Variants in ST6GAL1 observed in about 807,000 individuals in gnomAD.
The protein encoded by ST6GAL1 is ST6 beta-galactoside alpha-2,6-sialyltransferase 1.
In ST6GAL1, 20 loss-of-function variants were observed where a neutral mutation model predicts 38.0. The ratio of observed to expected loss-of-function variants is 0.53; its 90% CI spans 0.37 to 0.77. ST6GAL1 has a LOEUF of 0.77. Ranked by LOEUF, ST6GAL1 falls within the 30% of genes least tolerant of loss-of-function variation. The probability of loss-of-function intolerance (pLI) is 0.00; values close to 1 mark genes in which losing one functional copy is unlikely to be tolerated. For missense variants in ST6GAL1, 432 were observed against 496.4 expected (o/e 0.87, Z 1.23); for synonymous variants, 196 against 188.2 (o/e 1.04, Z -0.34).
intron 2 of ST6GAL1, among the ~76,000 whole-genome samples, chr3:187,011,668 CATTA>C (rs1421212301): frequency 6.6e-6 from 1 of 152,226 alleles, no homozygotes; most frequent in Non-Finnish European, 1.5e-5. Flanking sequence ...GTATCTGCGT[CATTA>C]ATTCTTTACC....
intron 2 of ST6GAL1, among the ~76,000 whole-genome samples, chr3:187,005,874 C>T (rs1315924155): frequency 6.6e-6 from 1 of 152,076 alleles, no homozygotes; most frequent in Non-Finnish European, 1.5e-5. Flanking sequence ...AAGGACCGAC[C>T]AACAGGGTCC....
At chr3:186,993,684 TAGAAA>T (rs1177970956) in intron 2 of ST6GAL1, among the ~76,000 whole-genome samples, 2 of 152,010 alleles carry the variant, frequency 1.3e-5, no homozygotes, top group South Asian at 2.1e-4. Context: ...AGCAGCATGC[TAGAAA>T]AGAAAAGGGT....
chr3:186,995,543 A>T (rs1405182397), intron 2 of ST6GAL1, among the ~76,000 whole-genome samples: 1 of 150,272 alleles, frequency 6.7e-6, no homozygotes, highest in African/African-American at 2.5e-5. Context: ...AAAAATAAAG[A>T]AATTGTTAAA....
intron 5 of ST6GAL1, among the ~76,000 whole-genome samples, chr3:187,063,556 G>T (rs530386839): frequency 6.6e-6 from 1 of 152,336 alleles, no homozygotes; most frequent in Admixed American, 6.5e-5. Context: ...TACATGGATG[G>T]TAGGATCTGG....
intron 2 of ST6GAL1, among the ~76,000 whole-genome samples, chr3:187,004,188 A>G (rs975943731): frequency 1.3e-5 from 2 of 152,080 alleles, no homozygotes; most frequent in Non-Finnish European, 2.9e-5. Context: ...CCATAACTAA[A>G]AGCTCCCTGA....
chr3:186,952,355 A>C lies in ST6GAL1; in HGVS notation c.-324-11430A>C, dbSNP rs1014185407. Among the ~76,000 whole-genome samples, 1 of 152,188 alleles carries C rather than the reference A, an allele frequency of 6.6e-6. No homozygotes were observed. The highest frequency in any genetic ancestry group is 6.5e-5 in the Admixed American group (1 of 15,274). Reference sequence around the variant, plus strand: ...ATCTCAGTCCCTATCTTGACTGATCAGCAACTTTTGATACAATTGACCATT... The same window carrying C: ...ATCTCAGTCCCTATCTTGACTGATCCGCAACTTTTGATACAATTGACCATT... On this transcript the variant is annotated intron_variant, in intron 1 of 7. Coordinates refer to ENST00000169298, the MANE Select transcript of ST6GAL1 (RefSeq NM_173216.2). This position sits in a 1 kb window ranked among gnomAD's most constrained non-coding sequence, Gnocchi z 4.1.
At chr3:187,065,235 G>A (rs1242262725) in intron 5 of ST6GAL1, among the ~76,000 whole-genome samples, 1 of 151,978 alleles carries the variant, frequency 6.6e-6, no homozygotes, top group African/African-American at 2.4e-5. Flanking sequence ...CCTGACCTCA[G>A]GTGATCCACC....
chr3:186,935,947 A>C (rs1713936702), intron 1 of ST6GAL1, among the ~76,000 whole-genome samples: 1 of 152,008 alleles, frequency 6.6e-6, no homozygotes, highest in Admixed American at 6.6e-5. Context: ...ATCTCAAGTC[A>C]TTCTATTTAT....
intron 2 of ST6GAL1, among the ~76,000 whole-genome samples, chr3:187,033,434 G>A (rs982265955): frequency 6.6e-6 from 1 of 151,980 alleles, no homozygotes; most frequent in Non-Finnish European, 1.5e-5. Flanking sequence ...AATAATAAAG[G>A]AATTCAAACT....
chr3:186,980,126 CT>C (rs1715644789), intron 2 of ST6GAL1, among the ~76,000 whole-genome samples: 1 of 152,136 alleles, frequency 6.6e-6, no homozygotes, highest in Non-Finnish European at 1.5e-5. Flanking sequence ...TATGTCACAC[CT>C]TAACCATTGT....
chr3:187,018,498 C>G (rs1717191652), intron 2 of ST6GAL1, among the ~76,000 whole-genome samples: 1 of 152,196 alleles, frequency 6.6e-6, no homozygotes, highest in Admixed American at 6.5e-5. Context: ...CCGAGTCCCA[C>G]AGCTGAAGAA....
At chr3:187,020,747 T>C (rs1717268242) in intron 2 of ST6GAL1, among the ~76,000 whole-genome samples, 1 of 152,230 alleles carries the variant, frequency 6.6e-6, no homozygotes, top group Admixed American at 6.5e-5. Flanking sequence ...TATGAGTTAC[T>C]GTAGCTTAGA....
chr3:187,029,596 G>T (rs1005954603), intron 2 of ST6GAL1, among the ~76,000 whole-genome samples: 40 of 152,242 alleles, frequency 2.6e-4, no homozygotes, highest in Admixed American at 9.2e-4. Flanking sequence ...GACTGGACAA[G>T]TAGCATGTGA....
chr3:186,976,028 C>T (rs1341818239), intron 2 of ST6GAL1, among the ~76,000 whole-genome samples: 1 of 152,220 alleles, frequency 6.6e-6, no homozygotes, highest in Non-Finnish European at 1.5e-5. Flanking sequence ...CTTCCCCACC[C>T]CAAGACAGCC....
chr3:186,993,266 A>G (rs1480378841), intron 2 of ST6GAL1, among the ~76,000 whole-genome samples: 1 of 152,228 alleles, frequency 6.6e-6, no homozygotes, highest in East Asian at 1.9e-4. Context: ...ACATGCTTTG[A>G]TAGTTCACTC....
In ST6GAL1 at chr3:186,949,372, G is replaced by A. The variant is rs530933297; in HGVS notation, c.-324-14413G>A. 6.0e-4 allele frequency among the ~76,000 whole-genome samples: 91 copies of A among 152,328 alleles called. 1 individual carries two copies. The South Asian group carries it at 0.019, about 31-fold the overall frequency. On this transcript the variant is annotated intron_variant, in intron 1 of 7. Coordinates refer to ENST00000169298, the MANE Select transcript of ST6GAL1 (RefSeq NM_173216.2). ...GGACTGCACAGTGCTGGTTCTGGGA[G>A]GAGGCTGGCCTTGGGCCTGAGCTGG...
intron 1 of ST6GAL1, among the ~76,000 whole-genome samples, chr3:186,956,149 C>G (rs1486518704): frequency 6.6e-6 from 1 of 152,026 alleles, no homozygotes; most frequent in East Asian, 1.9e-4. Flanking sequence ...TGTCTTGTTG[C>G]AAGCAGCCGG....
chr3:187,052,352 A>T (rs1352763451), intron 5 of ST6GAL1, among the ~76,000 whole-genome samples: 1 of 152,050 alleles, frequency 6.6e-6, no homozygotes, highest in Non-Finnish European at 1.5e-5. Flanking sequence ...CAATGTGCAG[A>T]TTTGTTACAT....
chr3:187,065,695 C>T (rs187383005), intron 5 of ST6GAL1, among the ~76,000 whole-genome samples: 2 of 152,316 alleles, frequency 1.3e-5, no homozygotes, highest in Non-Finnish European at 2.9e-5. Flanking sequence ...AGAGAGAAGA[C>T]CTACTTCCTA....
Sources: allele counts gnomAD v4.1 joint callset (sites outside exome capture counted in the v4.1 genomes callset), GRCh38; gene constraint gnomAD v4.1.1; non-coding constraint Gnocchi (gnomAD v3.1); transcripts MANE v1.5; gene names NCBI Gene and HGNC (gene_info 2026-07-23, HGNC 2026-07-21).